The following PDE4D variants were observed in gnomAD, a reference collection of about 807,000 sequenced individuals.
PDE4D encodes the protein 3',5'-cyclic-AMP phosphodiesterase 4D.
A neutral mutation model predicts 87.4 loss-of-function variants in PDE4D; 24 were observed. The observed-to-expected ratio is 0.27, with a 90% CI of 0.20 to 0.39. The LOEUF is 0.39. Ranked by LOEUF, PDE4D falls within the 10% of genes least tolerant of loss-of-function variation. The pLI is 1.00. For synonymous variants in PDE4D, 384 were observed against 383.2 expected (o/e 1.00, Z -0.02); for missense variants, 714 against 1,041.0 (o/e 0.69, Z 4.32).
intron 2 of PDE4D, among the ~76,000 whole-genome samples, chr5:60,038,468 T>G (rs1768071968): frequency 1.3e-5 from 2 of 152,112 alleles, no homozygotes; most frequent in African/African-American, 4.8e-5. Flanking sequence ...GGCTCTGTTC[T>G]GTTCCACTGA....
chr5:59,736,745 A>G (rs1179091754), intron 1 of PDE4D, among the ~76,000 whole-genome samples: 2 of 152,182 alleles, frequency 1.3e-5, no homozygotes, highest in Non-Finnish European at 2.9e-5. Flanking sequence ...GAAAGAAGCA[A>G]TCAGTTCCAC....
At chr5:59,311,771 C>T (rs1020497446) in intron 1 of PDE4D, among the ~76,000 whole-genome samples, 3 of 152,124 alleles carry the variant, frequency 2.0e-5, no homozygotes, top group African/African-American at 2.4e-5. Context: ...TAGACCTTTT[C>T]TGCCATTATC....
chr5:60,313,530 T>C (rs1426273813), intron 1 of PDE4D, among the ~76,000 whole-genome samples: 1 of 152,106 alleles, frequency 6.6e-6, no homozygotes, highest in East Asian at 1.9e-4. Flanking sequence ...TACAATTCTA[T>C]CTGAAACTAT....
At chr5:59,173,267 A>G (rs1187403401) in intron 5 of PDE4D, among the ~76,000 whole-genome samples, 2 of 152,180 alleles carry the variant, frequency 1.3e-5, no homozygotes, top group African/African-American at 4.8e-5. Context: ...TCTAACTTCA[A>G]TCAATTCCTG....
At chr5:59,922,683 C>T (rs910701424) in intron 3 of PDE4D, among the ~76,000 whole-genome samples, 1 of 152,028 alleles carries the variant, frequency 6.6e-6, no homozygotes, top group African/African-American at 2.4e-5. Flanking sequence ...GCCCTTGGCC[C>T]CTGAATAATC....
At chr5:59,171,638 C>T (rs558824053) in intron 5 of PDE4D, among the ~76,000 whole-genome samples, 13 of 151,628 alleles carry the variant, frequency 8.6e-5, no homozygotes. Context: ...TCCATGCTTC[C>T]ATACCTTATT....
intron 5 of PDE4D, among the ~76,000 whole-genome samples, chr5:59,089,756 A>G (rs555525963): frequency 6.6e-6 from 1 of 152,212 alleles, no homozygotes; most frequent in East Asian, 1.9e-4. Context: ...TAAGGATGTC[A>G]TCTGAGTTTC....
intron 1 of PDE4D, among the ~76,000 whole-genome samples, chr5:59,762,477 CAT>C (rs766649002): frequency 1.6e-5 from 2 of 124,360 alleles, no homozygotes; most frequent in East Asian, 2.2e-4. Context: ...TATGGGTACA[CAT>C]ATGTGTATAT....
intron 1 of PDE4D, among the ~76,000 whole-genome samples, chr5:59,850,510 C>T (rs1406184282): frequency 4.6e-5 from 7 of 151,972 alleles, no homozygotes; most frequent in Non-Finnish European, 1.0e-4. Flanking sequence ...ATCTGTCGTT[C>T]TTATTTCAGG....
chr5:59,430,136 CCT>C (rs1195516163), intron 1 of PDE4D, among the ~76,000 whole-genome samples: 3 of 152,146 alleles, frequency 2.0e-5, no homozygotes, highest in African/African-American at 7.2e-5. Flanking sequence ...TTCCAGCTTT[CCT>C]CTCTGGTTAA....
At chr5:60,263,759 C>T (rs1295278493) in intron 1 of PDE4D, among the ~76,000 whole-genome samples, 1 of 152,072 alleles carries the variant, frequency 6.6e-6, no homozygotes, top group African/African-American at 2.4e-5. Flanking sequence ...CAATGAAAAC[C>T]TATTATGAAA....
Position 59,050,191 on chromosome 5 carries a change from C to T in PDE4D, c.809-11220G>A, listed in dbSNP as rs566573743. 3.6e-4 allele frequency among the ~76,000 whole-genome samples: 55 copies of T among 152,148 alleles called. 1 individual carries two copies. The South Asian group carries it at 8.7e-3, about 24-fold the overall frequency. On this transcript the variant is annotated intron_variant, in intron 5 of 14. Transcript: ENST00000340635. ...CTGAGGCAGGAGAATCACTTGAACC[C>T]GGGAGGCGGAGGTTACAGTGAGCCG...
chr5:59,114,821 A>C (rs1773304615), intron 5 of PDE4D, among the ~76,000 whole-genome samples: 1 of 152,004 alleles, frequency 6.6e-6, no homozygotes, highest in Non-Finnish European at 1.5e-5. Context: ...GAGGAACTAC[A>C]GCAGTAGTTG....
intron 5 of PDE4D, among the ~76,000 whole-genome samples, chr5:59,086,664 C>T (rs62356688): frequency 0.037 from 5,647 of 152,192 alleles, 123 homozygotes; most frequent in Non-Finnish European, 0.052. Context: ...CTTCATATTT[C>T]CAATACTGGC....
At chr5:59,452,143 AG>A (rs1285863872) in intron 1 of PDE4D, among the ~76,000 whole-genome samples, 2 of 151,820 alleles carry the variant, frequency 1.3e-5, no homozygotes, top group African/African-American at 2.4e-5. Flanking sequence ...ATTGTGGCCC[AG>A]GGAAGACAGA....
At chr5:59,860,329 C>A (rs535859596) in intron 1 of PDE4D, among the ~76,000 whole-genome samples, 1 of 152,086 alleles carries the variant, frequency 6.6e-6, no homozygotes, top group East Asian at 1.9e-4. Flanking sequence ...GAAAATGATG[C>A]CATTGGATGT....
At chr5:59,713,923 C>T (rs1185470618) in intron 1 of PDE4D, among the ~76,000 whole-genome samples, 1 of 152,174 alleles carries the variant, frequency 6.6e-6, no homozygotes, top group African/African-American at 2.4e-5. Flanking sequence ...CCCAGCTACA[C>T]AGCTTAGAAA....
chr5:59,893,212 C>G lies in PDE4D; in HGVS notation c.411G>C (p.Lys137Asn), dbSNP rs1196589888. Residue 137 changes from lysine to asparagine, a missense_variant, in exon 1 of 15, where the codon AAG (lysine) becomes AAC (asparagine). Lys to Asn is a moderately conservative substitution (Grantham distance 94, BLOSUM62 0). This residue lies in a region of PDE4D where 268 missense variants were observed against 272.9 expected (regional missense o/e 0.98). Coordinates refer to ENST00000340635, the MANE Select transcript of PDE4D (RefSeq NM_001104631.2). ...AVETGHRPGL[K>N]KSRMSWPSSF... Reference sequence around the variant, plus strand: ...AGGAGGGCCAGGACATCCTGGATTTCTTCAGGCCGGGCCGGTGGCCGGTCT... The same window carrying G: ...AGGAGGGCCAGGACATCCTGGATTTGTTCAGGCCGGGCCGGTGGCCGGTCT... 6.4e-7 allele frequency: 1 copy of G among 1,564,602 alleles called. No individual in the cohort carries two copies. Among genetic ancestry groups the G allele is most frequent in the Admixed American group, 1.9e-5 (1 of 53,056 alleles).
chr5:59,703,730 G>A, intron 1 of PDE4D: 1 of 423,072 alleles, frequency 2.4e-6, no homozygotes, highest in South Asian at 1.7e-5. Flanking sequence ...ACTAGAGAGA[G>A]ATTTGCTAGT....
Sources: allele counts gnomAD v4.1 joint callset (sites outside exome capture counted in the v4.1 genomes callset), GRCh38; gene constraint gnomAD v4.1.1; regional missense constraint gnomAD v4.1.1; transcripts MANE v1.5; gene names NCBI Gene and HGNC (gene_info 2026-07-23, HGNC 2026-07-21).